Variants in NEGR1 observed in about 807,000 individuals in gnomAD.
NEGR1 encodes IgLON family member 4.
In NEGR1, 10 loss-of-function variants were observed where a neutral mutation model predicts 40.9. The observed-to-expected ratio is 0.24, with a 90% CI of 0.15 to 0.42. The LOEUF is 0.42. NEGR1 is among the 10% of genes least tolerant of loss of function. The pLI, the probability that NEGR1 is intolerant of heterozygous loss-of-function variation, is 1.00. For synonymous variants in NEGR1, 185 were observed against 166.8 expected (o/e 1.11, Z -0.84); for missense variants, 352 against 438.9 (o/e 0.80, Z 1.77).
At chr1:72,276,114 G>C (rs1262804161) in intron 1 of NEGR1, among the ~76,000 whole-genome samples, 1 of 151,862 alleles carries the variant, frequency 6.6e-6, no homozygotes, top group Non-Finnish European at 1.5e-5. Flanking sequence ...GAAAAGAAAA[G>C]AAAAGTGTAA....
At position 71,987,490 on chromosome 1, in the gene NEGR1, C is replaced by T. The variant is rs1017765053; in HGVS notation, c.177-52179G>A. On this transcript the variant is annotated intron_variant, in intron 1 of 6. Coordinates refer to ENST00000357731, the MANE Select transcript of NEGR1 (RefSeq NM_173808.3). The stretch of plus-strand genomic sequence containing the variant: ...ATAACGCCGACCAAATAGTACACTG[C>T]TGAGCAAACAAAGAAAGGGGCAGAA... Among the ~76,000 whole-genome samples, 5 of 152,272 alleles carry T rather than the reference C, an allele frequency of 3.3e-5. No homozygotes were observed. The South Asian group carries it at 8.3e-4, about 25-fold the overall frequency.
chr1:72,050,621 T>C (rs1396802374), intron 1 of NEGR1, among the ~76,000 whole-genome samples: 1 of 151,562 alleles, frequency 6.6e-6, no homozygotes, highest in Non-Finnish European at 1.5e-5. Flanking sequence ...AGTTGTTTAT[T>C]ATTGGATGTG....
intron 2 of NEGR1, among the ~76,000 whole-genome samples, chr1:71,860,458 C>T (rs1570440622): frequency 6.6e-6 from 1 of 151,818 alleles, no homozygotes; most frequent in Admixed American, 6.6e-5. Flanking sequence ...ATTTTTAGAC[C>T]ACTTTATGTT....
chr1:71,957,691 T>C (rs775926929), intron 1 of NEGR1, among the ~76,000 whole-genome samples: 11 of 152,192 alleles, frequency 7.2e-5, no homozygotes, highest in Non-Finnish European at 1.6e-4. Flanking sequence ...ATTTAACATA[T>C]CTACTACCAT....
At chr1:71,912,585 T>G (rs1479008432) in intron 2 of NEGR1, among the ~76,000 whole-genome samples, 1 of 152,210 alleles carries the variant, frequency 6.6e-6, no homozygotes, top group African/African-American at 2.4e-5. Flanking sequence ...GGATCCTGTC[T>G]GCATTTATGA....
chr1:71,818,101 T>C (rs1021573770), intron 2 of NEGR1, among the ~76,000 whole-genome samples: 1 of 151,936 alleles, frequency 6.6e-6, no homozygotes, highest in Non-Finnish European at 1.5e-5. Context: ...GGGGTGTAAA[T>C]TAGTTCAGCA....
chr1:72,190,869 C>G (rs190210130), intron 1 of NEGR1, among the ~76,000 whole-genome samples: 2 of 151,608 alleles, frequency 1.3e-5, no homozygotes, highest in East Asian at 3.9e-4. Context: ...ATTGACATAA[C>G]ATATATACTA....
intron 2 of NEGR1, among the ~76,000 whole-genome samples, chr1:71,783,875 C>T (rs1249333063): frequency 2.0e-5 from 3 of 146,690 alleles, no homozygotes; most frequent in African/African-American, 7.3e-5. Context: ...TCCATCCATC[C>T]AATAGACATT....
At chr1:71,798,833 T>C (rs1657437515) in intron 2 of NEGR1, among the ~76,000 whole-genome samples, 1 of 152,150 alleles carries the variant, frequency 6.6e-6, no homozygotes, top group Non-Finnish European at 1.5e-5. Flanking sequence ...TGATACCTTA[T>C]CCCAATAATC....
At chr1:72,075,326 C>T (rs899545846) in intron 1 of NEGR1, among the ~76,000 whole-genome samples, 1 of 152,078 alleles carries the variant, frequency 6.6e-6, no homozygotes, top group Non-Finnish European at 1.5e-5. Flanking sequence ...CATAGTGTTA[C>T]AGAAAACAGG....
intron 1 of NEGR1, among the ~76,000 whole-genome samples, chr1:72,166,247 C>A (rs147994801): frequency 2.6e-5 from 4 of 151,960 alleles, no homozygotes; most frequent in Admixed American, 2.6e-4. Flanking sequence ...TCGCCTCATA[C>A]CTGTCAAAAT....
intron 1 of NEGR1, among the ~76,000 whole-genome samples, chr1:72,096,765 A>G (rs1302900060): frequency 6.6e-6 from 1 of 152,030 alleles, no homozygotes; most frequent in Non-Finnish European, 1.5e-5. Flanking sequence ...GGTTCACACC[A>G]TTCTCCTGCC....
intron 5 of NEGR1, among the ~76,000 whole-genome samples, chr1:71,607,931 C>T (rs1257079800): frequency 6.6e-6 from 1 of 152,164 alleles, no homozygotes; most frequent in Non-Finnish European, 1.5e-5. Flanking sequence ...TTGTGATCCA[C>T]CCGTCTTTGC....
At chr1:72,241,442 TTAGA>T (rs1654741872) in intron 1 of NEGR1, among the ~76,000 whole-genome samples, 1 of 151,422 alleles carries the variant, frequency 6.6e-6, no homozygotes, top group South Asian at 2.1e-4. Context: ...CTTTTGACCA[TTAGA>T]GGTCAAAAGA....
At chr1:72,213,058 G>T (rs1487051054) in intron 1 of NEGR1, among the ~76,000 whole-genome samples, 1 of 151,674 alleles carries the variant, frequency 6.6e-6, no homozygotes, top group African/African-American at 2.4e-5. Flanking sequence ...ATAGTTAAAG[G>T]CATGAAAATA....
At chr1:72,091,652 G>C (rs1648505535) in intron 1 of NEGR1, among the ~76,000 whole-genome samples, 1 of 152,032 alleles carries the variant, frequency 6.6e-6, no homozygotes, top group Non-Finnish European at 1.5e-5. Context: ...ATGGAGGGTG[G>C]AAAGGACTCC....
At chr1:71,806,013 T>G (rs1321876762) in intron 2 of NEGR1, among the ~76,000 whole-genome samples, 1 of 152,190 alleles carries the variant, frequency 6.6e-6, no homozygotes, top group Non-Finnish European at 1.5e-5. Context: ...CCAAGAAATT[T>G]CCATTATTAT....
chr1:71,846,113 T>C (rs1465451520), intron 2 of NEGR1, among the ~76,000 whole-genome samples: 2 of 151,904 alleles, frequency 1.3e-5, no homozygotes, highest in Non-Finnish European at 2.9e-5. Flanking sequence ...TCTGTTATTC[T>C]CTCTCCTGCC....
At chr1:71,531,100 A>T (rs1337550414) in intron 6 of NEGR1, among the ~76,000 whole-genome samples, 4 of 151,320 alleles carry the variant, frequency 2.6e-5, no homozygotes, top group African/African-American at 9.7e-5. Context: ...CCTGACTTGA[A>T]TTTTTTTCTA....
Sources: gnomAD v4.1 joint callset for allele counts (sites outside exome capture counted in the v4.1 genomes callset) on GRCh38, gnomAD v4.1.1 for gene constraint, MANE v1.5 for transcripts, NCBI Gene and HGNC (gene_info 2026-07-23, HGNC 2026-07-21) for gene names.